TMEM143: variants seen among roughly 807,000 people sequenced by gnomAD.
TMEM143 encodes the protein transmembrane protein 143.
Under a neutral mutation model 40.3 loss-of-function variants are expected in TMEM143, and 45 were observed. The ratio of observed to expected loss-of-function variants is 1.12; its 90% CI spans 0.88 to 1.43. TMEM143 has a LOEUF of 1.43. TMEM143 is among the 40% of genes most tolerant of loss of function. The probability of loss-of-function intolerance (pLI) is 0.00; values close to 1 mark genes in which losing one functional copy is unlikely to be tolerated. For synonymous variants in TMEM143, 299 were observed against 282.7 expected (o/e 1.06, Z -0.58); for missense variants, 620 against 613.4 (o/e 1.01, Z -0.11).
chr19:48,343,743 T>C (rs907700041), intron 4 of TMEM143, among the ~76,000 whole-genome samples: 2 of 152,158 alleles, frequency 1.3e-5, no homozygotes, highest in African/African-American at 4.8e-5. Flanking sequence ...ACAAAATACG[T>C]TGCCAATTAA....
intron 4 of TMEM143, among the ~76,000 whole-genome samples, chr19:48,343,923 G>C (rs1023220046): frequency 6.6e-6 from 1 of 152,118 alleles, no homozygotes; most frequent in Non-Finnish European, 1.5e-5. Context: ...GTCTCACTCT[G>C]TCACCCAGGC....
At chr19:48,343,581 G>A in intron 4 of TMEM143, 130 bp from the exon 5 acceptor site, 2 of 1,259,776 alleles carry the variant, frequency 1.6e-6, no homozygotes, top group Non-Finnish European at 1.1e-6. Context: ...CACCATCTAG[G>A]CAGGGCTGTC....
At chr19:48,359,442 T>C (rs1259457652) in intron 3 of TMEM143, among the ~76,000 whole-genome samples, 1 of 151,248 alleles carries the variant, frequency 6.6e-6, no homozygotes, top group Admixed American at 6.6e-5. Flanking sequence ...TTAGCCCACA[T>C]GTCACCTCCT....
chr19:48,356,961 G>A (rs1257481946), intron 3 of TMEM143, among the ~76,000 whole-genome samples: 1 of 135,488 alleles, frequency 7.4e-6, no homozygotes, highest in Non-Finnish European at 1.5e-5. Context: ...CTGGAGTGCA[G>A]TGGCGCGATC....
intron 3 of TMEM143, among the ~76,000 whole-genome samples, chr19:48,348,258 A>C (rs545244214): frequency 6.5e-4 from 99 of 152,254 alleles, no homozygotes; most frequent in Non-Finnish European, 1.2e-3. Context: ...TGGAAACTTC[A>C]CATCCTCCCA....
chr19:48,340,684 C>T (rs1969468456), intron 6 of TMEM143, among the ~76,000 whole-genome samples: 1 of 152,132 alleles, frequency 6.6e-6, no homozygotes, highest in African/African-American at 2.4e-5. Flanking sequence ...TCCCCAGAGG[C>T]ACCGGGCCTC....
At chr19:48,343,198 CCT>C in intron 5 of TMEM143, 121 bp downstream of exon 5, 1 of 1,252,512 alleles carries the variant, frequency 8.0e-7, no homozygotes, top group African/African-American at 1.5e-5. Flanking sequence ...ATGAGTCACG[CCT>C]CCCATTTCTC....
chr19:48,339,790 G>A (rs916340918), intron 6 of TMEM143, among the ~76,000 whole-genome samples: 5 of 152,106 alleles, frequency 3.3e-5, no homozygotes, highest in Non-Finnish European at 4.4e-5. Context: ...ATGCAGTGGC[G>A]CAATCTCAGC....
At position 48,333,258 on chromosome 19, in the gene TMEM143, G is replaced by A; in HGVS notation, c.1341C>T (p.Ser447=). Residue 447 remains serine (S), a synonymous_variant, in exon 8 of 8, where the codon TCC becomes TCT. Coordinates refer to ENST00000293261, the MANE Select transcript of TMEM143 (RefSeq NM_018273.4). This position sits in a 1 kb window ranked among gnomAD's most constrained non-coding sequence, Gnocchi z 4.1. ...PKLDPVAPIT[S]EPPQATPSSN... The stretch of plus-strand genomic sequence containing the variant: ...TGCTGGGCGTGGCTTGCGGGGGCTC[G>A]GAAGTGATCGGAGCCACTGGGTCTA... 2.0e-6 allele frequency: 3 copies of A among 1,516,000 alleles called. No homozygotes were observed. The highest frequency in any genetic ancestry group is 2.7e-6 in the Non-Finnish European group (3 of 1,118,994). The allele number at this position is 1,516,000 out of a possible 1,614,324, so 93.9% of individuals were successfully genotyped here. A position where few individuals can be genotyped will look rare whatever the true frequency, so the allele number is the denominator to read the frequency against.
chr19:48,345,196 G>A lies in TMEM143; in HGVS notation c.528C>T (p.Tyr176=), dbSNP rs140664334. Residue 176 remains tyrosine, a synonymous_variant, in exon 4 of 8, where the codon TAC becomes TAT. Coordinates refer to ENST00000293261, the MANE Select transcript of TMEM143 (RefSeq NM_018273.4). ...CCTGAGGGTGGTGGACCACCAGCGCGTAGGCCAGGGTGTCCTCAGACAGCG... is the reference window on the plus strand; with the variant it reads ...CCTGAGGGTGGTGGACCACCAGCGCATAGGCCAGGGTGTCCTCAGACAGCG... ...FSPLSEDTLA[Y]ALVVHHPQDE... is the part of the protein sequence containing the mutation. The A allele has an allele frequency of 7.4e-5, 119 of 1,613,566 alleles. 1 individual carries two copies. In the African/African-American group the frequency reaches 8.7e-4, roughly 12 times the overall value.
chr19:48,345,415 C>T (rs1969601282), intron 3 of TMEM143, 61 bp from the exon 4 acceptor site: 3 of 1,097,978 alleles, frequency 2.7e-6, no homozygotes, highest in Middle Eastern at 2.2e-4. Flanking sequence ...ATTCTAGGGA[C>T]ATCTAAGGAC....
Position 48,363,344 on chromosome 19 carries a change from G to T in TMEM143, c.211C>A (p.Arg71Ser). 1.2e-6 allele frequency: 2 copies of T among 1,614,224 alleles called. No homozygotes were observed. The highest frequency in any genetic ancestry group is 1.1e-5 in the South Asian group (1 of 91,090). Reference protein sequence around the residue: ...REPRDWAQQYRERFIPFSKEQ... With the variant: ...REPRDWAQQYSERFIPFSKEQ... ...TTGGAGAAGGGAATGAAGCGCTCGC[G>T]GTACTGCTGGGCCCAGTCGCGGGGC... is the stretch of plus-strand genomic sequence containing the variant. The change falls in exon 2 of 8, where the codon CGC becomes AGC. Residue 71 changes from arginine to serine, a missense_variant. Transcript: ENST00000293261.
intron 6 of TMEM143, among the ~76,000 whole-genome samples, chr19:48,339,419 G>C (rs1600898733): frequency 6.6e-6 from 1 of 152,296 alleles, no homozygotes; most frequent in East Asian, 1.9e-4. Context: ...TGTCTTGGAA[G>C]AAAGAGGGCC....
intron 3 of TMEM143, among the ~76,000 whole-genome samples, chr19:48,347,566 T>C (rs997361269): frequency 1.3e-5 from 2 of 150,968 alleles, no homozygotes; most frequent in African/African-American, 2.4e-5. Flanking sequence ...TTTTTTTTTT[T>C]TTTTTTTTGA....
chr19:48,357,007 C>T (rs1234365301), intron 3 of TMEM143, among the ~76,000 whole-genome samples: 4 of 147,204 alleles, frequency 2.7e-5, no homozygotes, highest in African/African-American at 7.6e-5. Context: ...TGGGTTCAAG[C>T]GATTCTCCTG....
intron 6 of TMEM143, among the ~76,000 whole-genome samples, chr19:48,340,709 C>T (rs752164583): frequency 2.0e-5 from 3 of 152,142 alleles, no homozygotes; most frequent in Non-Finnish European, 2.9e-5. Context: ...CCTCTCATCT[C>T]GCCCCTCCCC....
chr19:48,343,739 T>C (rs1969563522), intron 4 of TMEM143, among the ~76,000 whole-genome samples: 1 of 152,080 alleles, frequency 6.6e-6, no homozygotes, highest in Non-Finnish European at 1.5e-5. Context: ...AAAAACAAAA[T>C]ACGTTGCCAA....
At chr19:48,347,497 G>A (rs1293500618) in intron 3 of TMEM143, among the ~76,000 whole-genome samples, 2 of 151,566 alleles carry the variant, frequency 1.3e-5, no homozygotes, top group Non-Finnish European at 2.9e-5. Flanking sequence ...AGGATCACTT[G>A]AATCCAGGAG....
At chr19:48,341,244 G>C (rs566358962) in intron 6 of TMEM143, among the ~76,000 whole-genome samples, 1 of 152,192 alleles carries the variant, frequency 6.6e-6, no homozygotes, top group Non-Finnish European at 1.5e-5. Context: ...GACAGGACAC[G>C]CATTTTGGCA....
Sources: gnomAD v4.1 joint callset for allele counts (sites outside exome capture counted in the v4.1 genomes callset) on GRCh38, gnomAD v4.1.1 for gene constraint, Gnocchi (gnomAD v3.1) non-coding constraint, MANE v1.5 for transcripts, NCBI Gene and HGNC (gene_info 2026-07-23, HGNC 2026-07-21) for gene names.